Variants in LIG3 observed in about 807,000 individuals in gnomAD.
LIG3 encodes DNA ligase 3, also known as ligase II, DNA, ATP-dependent.
Under a neutral mutation model 110.9 loss-of-function variants are expected in LIG3, and 58 were observed. The observed-to-expected ratio is 0.52, with a 90% CI of 0.42 to 0.65. The LOEUF is 0.65. Ranked by LOEUF, LIG3 falls within the 30% of genes least tolerant of loss-of-function variation. The pLI, the probability that LIG3 is intolerant of heterozygous loss-of-function variation, is 0.00. For synonymous variants in LIG3, 422 were observed against 472.8 expected, an observed-to-expected ratio of 0.89 and a Z score of 1.39; for missense variants, 1,094 against 1,273.8, an observed-to-expected ratio of 0.86 and a Z score of 2.15.
chr17:35,003,253 C>T (rs938233807), intron 19 of LIG3: 4 of 1,187,398 alleles, frequency 3.4e-6, no homozygotes, highest in Non-Finnish European at 4.6e-6. Flanking sequence ...GGAGCCTTTT[C>T]CCTGTTACAT....
intron 4 of LIG3, 30 bp downstream of exon 4, chr17:34,989,693 T>A (rs1359257727): frequency 6.2e-7 from 1 of 1,606,500 alleles, no homozygotes; most frequent in Non-Finnish European, 8.5e-7. Context: ...AATAGGCCTT[T>A]CCTCCGGAGA....
At chr17:34,998,186 C>A in intron 12 of LIG3, 33 bp from the exon 13 acceptor site, 2 of 1,571,772 alleles carry the variant, frequency 1.3e-6, no homozygotes, top group African/African-American at 1.4e-5. Context: ...TCTCCACTCT[C>A]ACACCAACTT....
chr17:34,989,712 C>T, intron 4 of LIG3, 49 bp downstream of exon 4: 1 of 1,561,958 alleles, frequency 6.4e-7, no homozygotes, highest in Non-Finnish European at 8.8e-7. Flanking sequence ...GAGCTCAAGG[C>T]CATGGCTGCC....
At chr17:35,004,055 ACT>A (rs961690376) in intron 19 of LIG3, 23 of 559,744 alleles carry the variant, frequency 4.1e-5, no homozygotes, top group Middle Eastern at 4.7e-4. Flanking sequence ...AGGCCTGTCC[ACT>A]CTCCTTTTCC....
rs775067381 is a variant in LIG3, at chr17:35,004,235, G to C, written c.2797-38G>C. 5.3e-6 allele frequency: 8 copies of C among 1,514,048 alleles called. No homozygotes were observed. In the East Asian group the frequency reaches 1.4e-4, roughly 26 times the overall value. 93.8% of individuals were successfully genotyped at this position (1,514,048 alleles called of 1,614,324 possible). A position where few individuals can be genotyped will look rare whatever the true frequency, so the allele number is the denominator to read the frequency against. On this transcript the variant is annotated intron_variant, in intron 19 of 19. Transcript: ENST00000378526. Reference sequence around the variant, plus strand: ...GGGTGAAGACCCATCTGTACCCAGTGTAGGTCTGACCCCACCCTGACCCCT... The same window carrying C: ...GGGTGAAGACCCATCTGTACCCAGTCTAGGTCTGACCCCACCCTGACCCCT...
At chr17:34,994,203 G>A in intron 8 of LIG3, 73 bp from the exon 9 acceptor site, 1 of 1,474,460 alleles carries the variant, frequency 6.8e-7, no homozygotes. Context: ...TAACCCAGTT[G>A]CAAGGTCTCT....
rs1242291277 is a variant in LIG3 at position 35,007,582 on chromosome 17, C to G, written c.*3076C>G. 1.3e-5 allele frequency: 2 copies of G among 152,244 alleles called. No homozygotes were observed. The highest frequency in any genetic ancestry group is 2.9e-5 in the Non-Finnish European group (2 of 68,092). 9.4% of individuals were successfully genotyped at this position (152,244 alleles called of 1,614,324 possible). A position where few individuals can be genotyped will look rare whatever the true frequency, so the allele number is the denominator to read the frequency against. ...TCCTTTATGCCCTTTTGGCAAGATT[C>G]CTTTCTCTTCTCAGTCACAGCAGAT... On this transcript the variant is annotated 3_prime_UTR_variant, in exon 20 of 20. Coordinates refer to ENST00000378526, the MANE Select transcript of LIG3 (RefSeq NM_013975.4).
In LIG3 at chr17:34,983,115, A is replaced by G; in HGVS notation, c.110A>G (p.Gln37Arg). The G allele has an allele frequency of 1.2e-6, 2 of 1,614,218 alleles. No homozygotes were observed. Among genetic ancestry groups the G allele is most frequent in the Non-Finnish European group, 1.7e-6 (2 of 1,180,028 alleles). Residue 37 changes from glutamine (Q) to arginine (R), a missense_variant, in exon 2 of 20, where the codon CAG (glutamine) becomes CGG (arginine). Physicochemically the swap from Gln to Arg is conservative, Grantham distance 43. Transcript: ENST00000378526. ...HHWRDVRQFS[Q>R]WSETDLLHGH... ...TGGCGTGATGTAAGACAATTCAGCC[A>G]GTGGTCAGAAACAGATCTGCTTCAT...
At chr17:34,987,499 C>T (rs928941180) in intron 3 of LIG3, among the ~76,000 whole-genome samples, 5 of 152,178 alleles carry the variant, frequency 3.3e-5, no homozygotes, top group African/African-American at 1.2e-4. Context: ...GTGATTGACT[C>T]AGCTGAAGAA....
chr17:34,997,619 G>T, intron 11 of LIG3, 119 bp from the exon 12 acceptor site: 1 of 739,924 alleles, frequency 1.4e-6, no homozygotes. Flanking sequence ...TGAGGTCTTT[G>T]ATCCATGGCA....
chr17:35,004,392 G>C lies in LIG3; in HGVS notation c.2916G>C (p.Met972Ile). 1.2e-6 allele frequency: 2 copies of C among 1,614,204 alleles called. No individual in the cohort carries two copies. The highest frequency in any genetic ancestry group is 1.7e-6 in the Non-Finnish European group (2 of 1,180,042). The change falls in exon 20 of 20, where the codon ATG becomes ATC. Residue 972 changes from methionine to isoleucine, a missense_variant. Transcript: ENST00000378526. ...FDGDLVQEFD[M>I]TSATHVLGSR... Reference sequence around the variant, plus strand: ...GGGACCTGGTACAGGAATTTGATATGACTTCAGCCACGCACGTGCTGGGTA... The same window carrying C: ...GGGACCTGGTACAGGAATTTGATATCACTTCAGCCACGCACGTGCTGGGTA...
At chr17:34,998,818 G>A (rs1215642053) in intron 14 of LIG3, 91 bp downstream of exon 14, 5 of 1,472,522 alleles carry the variant, frequency 3.4e-6, no homozygotes, top group Non-Finnish European at 4.6e-6. Flanking sequence ...TGATCTGCCA[G>A]CATGGCCAGT....
At chr17:34,988,547 G>A (rs2090683740) in intron 3 of LIG3, among the ~76,000 whole-genome samples, 1 of 152,172 alleles carries the variant, frequency 6.6e-6, no homozygotes, top group Admixed American at 6.5e-5. Flanking sequence ...TTTTTAAATG[G>A]TCACAAGGAG....
chr17:35,004,022 C>T (rs1055152529), intron 19 of LIG3: 4 of 499,826 alleles, frequency 8.0e-6, no homozygotes, highest in Non-Finnish European at 1.1e-5. Context: ...TGTACTCTTC[C>T]CATCTCCAGG....
Position 35,005,403 on chromosome 17 carries a change from C to G in LIG3, c.*897C>G. ...ATGCCATCAGCCATGACTGTGTATG[C>G]TCTGGTGGTGGTGTCTTACTTCCTC... On this transcript the variant is annotated 3_prime_UTR_variant, in exon 20 of 20. Coordinates refer to ENST00000378526, the MANE Select transcript of LIG3 (RefSeq NM_013975.4). 1 of 559,366 alleles carries G rather than the reference C, an allele frequency of 1.8e-6. No individual in the cohort carries two copies. 34.7% of individuals were successfully genotyped at this position (559,366 alleles called of 1,614,324 possible). A position where few individuals can be genotyped will look rare whatever the true frequency, so the allele number is the denominator to read the frequency against.
chr17:34,999,891 T>C, intron 16 of LIG3, 35 bp downstream of exon 16: 1 of 1,536,266 alleles, frequency 6.5e-7, no homozygotes, highest in Non-Finnish European at 9.0e-7. Context: ...CTCCAGCTCA[T>C]AGAATTAGCT....
At chr17:34,982,691 G>A (rs2090610478) in intron 1 of LIG3, among the ~76,000 whole-genome samples, 1 of 151,470 alleles carries the variant, frequency 6.6e-6, no homozygotes, top group Admixed American at 6.6e-5. Flanking sequence ...AATACTTAAA[G>A]GTCATCATCC....
intron 11 of LIG3, chr17:34,997,514 T>G (rs1284510068): frequency 7.6e-6 from 4 of 524,310 alleles, no homozygotes; most frequent in Non-Finnish European, 1.4e-5. Flanking sequence ...AACTAGGAAC[T>G]ACAACTATGA....
At chr17:34,981,339 C>T (rs1377914436) in intron 1 of LIG3, 1 of 152,242 alleles carries the variant, frequency 6.6e-6, no homozygotes, top group African/African-American at 2.4e-5. Context: ...TTTTATGGGT[C>T]TGCCGTACTT....
Sources: allele counts gnomAD v4.1 joint callset (sites outside exome capture counted in the v4.1 genomes callset), GRCh38; gene constraint gnomAD v4.1.1; transcripts MANE v1.5; gene names NCBI Gene and HGNC (gene_info 2026-07-23, HGNC 2026-07-21).